KCTD16: variants seen among roughly 807,000 people sequenced by gnomAD.
KCTD16 encodes BTB/POZ domain-containing protein KCTD16.
KCTD16 carries 13 observed loss-of-function variants against 33.2 expected under a neutral mutation model. That is an observed-to-expected ratio of 0.39 (90% confidence interval 0.25 to 0.62). The LOEUF is 0.62. KCTD16 is among the 20% of genes least tolerant of loss of function. The probability of loss-of-function intolerance (pLI) is 0.50; values close to 1 mark genes in which losing one functional copy is unlikely to be tolerated. For synonymous variants in KCTD16, 197 were observed against 195.3 expected (o/e 1.01, Z -0.07); for missense variants, 441 against 525.1 (o/e 0.84, Z 1.57).
intron 3 of KCTD16, among the ~76,000 whole-genome samples, chr5:144,363,946 G>T (rs1751775126): frequency 6.6e-6 from 1 of 152,072 alleles, no homozygotes; most frequent in Non-Finnish European, 1.5e-5. Flanking sequence ...AGGTTGATGG[G>T]CTTTATTTAG....
chr5:144,262,907 T>C (rs1561546804), intron 3 of KCTD16, among the ~76,000 whole-genome samples: 1 of 152,180 alleles, frequency 6.6e-6, no homozygotes, highest in South Asian at 2.1e-4. Flanking sequence ...CTCACCTTAG[T>C]ATTTCCAGAC....
In KCTD16 at chr5:144,425,951, A is replaced by C. The variant is rs753721596; in HGVS notation, c.833-47709A>C. Among the ~76,000 whole-genome samples the C allele has an allele frequency of 1.5e-4, 23 of 152,162 alleles. 1 individual carries two copies. The highest frequency in any genetic ancestry group is 6.5e-5 in the Admixed American group (1 of 15,268). On this transcript the variant is annotated intron_variant, in intron 3 of 3. Coordinates refer to ENST00000512467, the MANE Select transcript of KCTD16 (RefSeq NM_020768.4). ...CATACTAATCTCTTTGTCCCTTGCC[A>C]CATTCTTAGTTTGCTCTCCTAAATA...
chr5:144,256,077 T>C lies in KCTD16; in HGVS notation c.832+48531T>C, dbSNP rs565498534. 2.0e-4 allele frequency among the ~76,000 whole-genome samples: 30 copies of C among 152,318 alleles called. 1 individual carries two copies. The South Asian group carries it at 6.0e-3, about 31-fold the overall frequency. On this transcript the variant is annotated intron_variant, in intron 3 of 3. Coordinates refer to ENST00000512467, the MANE Select transcript of KCTD16 (RefSeq NM_020768.4). ...GTACCAGGATGCTTTCAAGTCTTCA[T>C]TGGATAAAATGAGATTATGACTGTT...
intron 3 of KCTD16, among the ~76,000 whole-genome samples, chr5:144,418,677 G>C (rs1382073127): frequency 6.6e-6 from 1 of 152,118 alleles, no homozygotes; most frequent in Non-Finnish European, 1.5e-5. Flanking sequence ...TTCCAATCCT[G>C]GCAGAAACAC....
chr5:144,336,290 C>T (rs930474062), intron 3 of KCTD16, among the ~76,000 whole-genome samples: 1 of 152,204 alleles, frequency 6.6e-6, no homozygotes, highest in Non-Finnish European at 1.5e-5. Context: ...GCAGCACAAG[C>T]AATGAACAAA....
intron 3 of KCTD16, chr5:144,382,920 A>G (rs1752247690): frequency 6.6e-6 from 1 of 152,194 alleles, no homozygotes; most frequent in South Asian, 2.1e-4. Context: ...CATTTTTCAC[A>G]TGCTATTCCA....
In KCTD16 at chr5:144,483,135, T is replaced by C. The variant is rs1237686742; in HGVS notation, c.*9021T>C. ...AACTACATGTTTTCACACTTCTTCATTCCAAAAAAAAAAAAAAAACCAAAC... is the reference window on the plus strand; with the variant it reads ...AACTACATGTTTTCACACTTCTTCACTCCAAAAAAAAAAAAAAAACCAAAC... On this transcript the variant is annotated 3_prime_UTR_variant, in exon 4 of 4. Transcript: ENST00000512467. The C allele has an allele frequency of 6.9e-6, 1 of 144,572 alleles. No individual in the cohort carries two copies. The highest frequency in any genetic ancestry group is 2.6e-5 in the African/African-American group (1 of 38,240). 9.0% of individuals were successfully genotyped at this position (144,572 alleles called of 1,614,324 possible).
intron 3 of KCTD16, among the ~76,000 whole-genome samples, chr5:144,280,695 C>T (rs189636861): frequency 1.8e-3 from 274 of 152,260 alleles, no homozygotes; most frequent in African/African-American, 4.1e-3. Flanking sequence ...GAGGCCAAGG[C>T]GGGCGGATCA....
intron 3 of KCTD16, among the ~76,000 whole-genome samples, chr5:144,328,615 A>G (rs1752271346): frequency 6.6e-6 from 1 of 151,590 alleles, no homozygotes; most frequent in Non-Finnish European, 1.5e-5. Context: ...GCATTACATC[A>G]TCTATGTGTA....
intron 3 of KCTD16, among the ~76,000 whole-genome samples, chr5:144,281,189 CAA>C (rs1396138243): frequency 6.6e-6 from 1 of 152,140 alleles, no homozygotes; most frequent in Non-Finnish European, 1.5e-5. Flanking sequence ...CTCAAAAAAT[CAA>C]AAGTTTTCCA....
At chr5:144,261,787 T>A (rs1205270828) in intron 3 of KCTD16, among the ~76,000 whole-genome samples, 1 of 152,224 alleles carries the variant, frequency 6.6e-6, no homozygotes, top group Non-Finnish European at 1.5e-5. Context: ...CAGTTGGCCT[T>A]CTCCCAACCT....
intron 3 of KCTD16, among the ~76,000 whole-genome samples, chr5:144,454,944 G>A (rs980330402): frequency 6.6e-6 from 1 of 151,946 alleles, no homozygotes; most frequent in Non-Finnish European, 1.5e-5. Flanking sequence ...CATTCTTCTG[G>A]GCACTAAGGC....
chr5:144,255,030 G>T (rs1183568863), intron 3 of KCTD16, among the ~76,000 whole-genome samples: 1 of 152,082 alleles, frequency 6.6e-6, no homozygotes, highest in Non-Finnish European at 1.5e-5. Context: ...CTCCTAAGGT[G>T]CTGGGATTAC....
intron 2 of KCTD16, among the ~76,000 whole-genome samples, chr5:144,192,604 A>G (rs918117173): frequency 6.6e-6 from 1 of 152,232 alleles, no homozygotes; most frequent in African/African-American, 2.4e-5. Context: ...AAGTTAAAGC[A>G]AGCCACTGGT....
At chr5:144,320,703 T>C (rs990813138) in intron 3 of KCTD16, among the ~76,000 whole-genome samples, 4 of 152,098 alleles carry the variant, frequency 2.6e-5, no homozygotes, top group Non-Finnish European at 4.4e-5. Context: ...TTTAGAATAA[T>C]TTCAGAGCTT....
chr5:144,215,164 C>T (rs763497918), intron 3 of KCTD16, among the ~76,000 whole-genome samples: 2 of 152,154 alleles, frequency 1.3e-5, no homozygotes, highest in Admixed American at 6.5e-5. Context: ...CTCTACTCTT[C>T]GCACCTGCGC....
At chr5:144,406,292 C>T (rs1229049134) in intron 3 of KCTD16, among the ~76,000 whole-genome samples, 1 of 152,188 alleles carries the variant, frequency 6.6e-6, no homozygotes, top group Non-Finnish European at 1.5e-5. Flanking sequence ...CATCATGAGG[C>T]ACAGTTAGTT....
At chr5:144,342,034 TAA>T (rs1240353402) in intron 3 of KCTD16, among the ~76,000 whole-genome samples, 2 of 152,232 alleles carry the variant, frequency 1.3e-5, no homozygotes, top group African/African-American at 4.8e-5. Context: ...TTTATTATGT[TAA>T]AAAGTTTAGT....
intron 3 of KCTD16, among the ~76,000 whole-genome samples, chr5:144,399,795 C>G (rs1752662135): frequency 6.6e-6 from 1 of 152,098 alleles, no homozygotes; most frequent in South Asian, 2.1e-4. Context: ...AGCAGTTCTG[C>G]CTGTTTGAAT....
Sources: allele counts gnomAD v4.1 joint callset (sites outside exome capture counted in the v4.1 genomes callset), GRCh38; gene constraint gnomAD v4.1.1; transcripts MANE v1.5; gene names NCBI Gene and HGNC (gene_info 2026-07-23, HGNC 2026-07-21).